Variants in FAT4 observed in about 807,000 individuals in gnomAD.
FAT4 encodes the protein protocadherin Fat 4.
Under a neutral mutation model 303.9 loss-of-function variants are expected in FAT4, and 84 were observed. The observed-to-expected ratio is 0.28, with a 90% CI of 0.23 to 0.33. The LOEUF is 0.33. FAT4 is among the 10% of genes least tolerant of loss of function. The probability of loss-of-function intolerance (pLI) is 1.00; values close to 1 mark genes in which losing one functional copy is unlikely to be tolerated. For missense variants in FAT4, 6,005 were observed against 6,146.8 expected, an observed-to-expected ratio of 0.98 and a Z score of 0.77; for synonymous variants, 2,307 against 2,298.8, an observed-to-expected ratio of 1.00 and a Z score of -0.10.
chr4:125,458,445 C>T (rs1023392446), intron 10 of FAT4, among the ~76,000 whole-genome samples: 2 of 151,472 alleles, frequency 1.3e-5, no homozygotes, highest in South Asian at 2.1e-4. Flanking sequence ...ATCATGTGAC[C>T]GGAAAACCAT....
intron 14 of FAT4, among the ~76,000 whole-genome samples, chr4:125,479,416 G>C (rs1285310845): frequency 6.6e-6 from 1 of 152,062 alleles, no homozygotes; most frequent in Admixed American, 6.6e-5. Flanking sequence ...AAAAATATGT[G>C]GTCCCTGGAT....
chr4:125,360,921 T>A (rs1282364156), intron 2 of FAT4, among the ~76,000 whole-genome samples: 3 of 129,556 alleles, frequency 2.3e-5, no homozygotes, highest in East Asian at 2.3e-4. Context: ...TTATTATTTA[T>A]TTTATTTATT....
At chr4:125,414,613 A>G (rs1033021003) in intron 5 of FAT4, among the ~76,000 whole-genome samples, 9 of 152,164 alleles carry the variant, frequency 5.9e-5, no homozygotes, top group Non-Finnish European at 1.5e-5. Flanking sequence ...TTAGTGTTGG[A>G]CCATCAGGAA....
Position 125,317,937 on chromosome 4 carries a change from A to G in FAT4, c.1526A>G (p.Asn509Ser), listed in dbSNP as rs972687212. The G allele has an allele frequency of 1.2e-6, 2 of 1,614,094 alleles. No individual in the cohort carries two copies. The highest frequency in any genetic ancestry group is 2.7e-5 in the African/African-American group (2 of 75,022). ...ATDGDSGLNA[N>S]LRYSIVSGNG... is the part of the protein sequence containing the mutation. ...GATGGCGACTCTGGTCTCAATGCTA[A>G]TCTGCGTTACAGCATTGTCTCTGGC... Residue 509 changes from asparagine (N) to serine (S), a missense_variant, in exon 2 of 18, where the codon AAT (asparagine) becomes AGT (serine). Transcript: ENST00000394329. This position sits in a 1 kb window ranked among gnomAD's most constrained non-coding sequence, Gnocchi z 7.0.
At chr4:125,446,268 T>A (rs1332097048) in intron 8 of FAT4, 25 bp from the exon 9 acceptor site, 4 of 1,599,520 alleles carry the variant, frequency 2.5e-6, no homozygotes, top group Admixed American at 3.4e-5. Context: ...ATATGACATA[T>A]CCCTATTTCT....
In FAT4 at chr4:125,317,189, C is replaced by G. The variant is rs369161191; in HGVS notation, c.778C>G (p.Pro260Ala). Reference protein sequence around the residue: ...FGSSHYQAGVPEDAVVGSSVL... With the variant: ...FGSSHYQAGVAEDAVVGSSVL... ...CAGTTCTCACTACCAGGCGGGGGTG[C>G]CTGAGGACGCGGTTGTGGGTTCCAG... Residue 260 changes from proline (P) to alanine (A), a missense_variant, in exon 2 of 18, where the codon CCT (proline) becomes GCT (alanine). Pro to Ala is a conservative substitution (Grantham distance 27, BLOSUM62 -1). Coordinates refer to ENST00000394329, the MANE Select transcript of FAT4 (RefSeq NM_001291303.3). The surrounding 1 kb of genome is among the most constrained non-coding windows in gnomAD (Gnocchi z 7.0). 3.1e-6 allele frequency: 5 copies of G among 1,595,520 alleles called. No individual in the cohort carries two copies. The South Asian group carries it at 4.5e-5, about 14-fold the overall frequency.
chr4:125,430,731 G>C (rs1238326024), intron 7 of FAT4, among the ~76,000 whole-genome samples: 1 of 151,982 alleles, frequency 6.6e-6, no homozygotes, highest in Non-Finnish European at 1.5e-5. Context: ...GGGAGAAAAG[G>C]GATACTCTGG....
chr4:125,342,405 A>C (rs1343376992), intron 2 of FAT4, among the ~76,000 whole-genome samples: 1 of 152,002 alleles, frequency 6.6e-6, no homozygotes, highest in Non-Finnish European at 1.5e-5. Context: ...TAAAATATGA[A>C]ATTGATACTG....
Position 125,490,999 on chromosome 4 carries a change from G to A in FAT4, c.14183G>A (p.Arg4728Lys), listed in dbSNP as rs72675395. 32,002 of 1,614,148 alleles carry A rather than the reference G, an allele frequency of 0.02. 393 individuals are homozygous for A. Among genetic ancestry groups the A allele is most frequent in the Middle Eastern group, 0.024 (146 of 6,062 alleles). ...GCAAGGGAATTGCATCTTCCTATAAGGGATGGTAATACTTTGGAAATGCAT... is the reference window on the plus strand; with the variant it reads ...GCAAGGGAATTGCATCTTCCTATAAAGGATGGTAATACTTTGGAAATGCAT... ...SPARELHLPI[R>K]DGNTLEMHGD... is the part of the protein sequence containing the mutation. The change falls in exon 18 of 18, where the codon AGG becomes AAG. Residue 4728 changes from arginine (R) to lysine (K), a missense_variant. Coordinates refer to ENST00000394329, the MANE Select transcript of FAT4 (RefSeq NM_001291303.3).
chr4:125,320,907 A>G lies in FAT4; in HGVS notation c.4496A>G (p.Asn1499Ser), dbSNP rs1241928722. The G allele has an allele frequency of 1.3e-5, 21 of 1,614,212 alleles. No individual in the cohort carries two copies. Among genetic ancestry groups the G allele is most frequent in the East Asian group, 2.2e-5 (1 of 44,882 alleles). ...CTCTTTGAGTTGACTGTAAAAGCCA[A>G]TGATCAAGCTGTGCCAATAGAAACT... Reference protein sequence around the residue: ...ANLFELTVKANDQAVPIETRR... With the variant: ...ANLFELTVKASDQAVPIETRR... The change falls in exon 2 of 18, where the codon AAT becomes AGT. Residue 1499 changes from asparagine (N) to serine (S), a missense_variant. By Grantham distance (46) the Asn-to-Ser change is conservative. Coordinates refer to ENST00000394329, the MANE Select transcript of FAT4 (RefSeq NM_001291303.3).
intron 2 of FAT4, among the ~76,000 whole-genome samples, chr4:125,360,898 A>AG (rs1222335483): frequency 3.5e-5 from 5 of 144,516 alleles, no homozygotes; most frequent in African/African-American, 5.0e-5. Flanking sequence ...TATTTATTAA[A>AG]TTTTTTATTT....
At chr4:125,324,793 A>G (rs1731089158) in intron 2 of FAT4, among the ~76,000 whole-genome samples, 2 of 152,146 alleles carry the variant, frequency 1.3e-5, no homozygotes, top group African/African-American at 4.8e-5. Context: ...TGTCTTGTCT[A>G]TTGATATTTA....
chr4:125,417,413 G>A (rs1735117331), intron 7 of FAT4, among the ~76,000 whole-genome samples: 1 of 152,132 alleles, frequency 6.6e-6, no homozygotes, highest in South Asian at 2.1e-4. Flanking sequence ...GTTCCAGGGA[G>A]CCAAACTATA....
At chr4:125,356,550 T>G (rs984203324) in intron 2 of FAT4, among the ~76,000 whole-genome samples, 14 of 24,428 alleles carry the variant, frequency 5.7e-4, no homozygotes, top group Admixed American at 2.5e-3. Flanking sequence ...TTGTTTTTTG[T>G]TTTTTTTTTT....
intron 7 of FAT4, among the ~76,000 whole-genome samples, chr4:125,418,384 G>C (rs1466109447): frequency 6.6e-6 from 1 of 152,048 alleles, no homozygotes; most frequent in Non-Finnish European, 1.5e-5. Context: ...ATGTGGGAGG[G>C]AGAAAACATT....
chr4:125,404,758 C>T (rs1734523278), intron 3 of FAT4, among the ~76,000 whole-genome samples: 1 of 152,052 alleles, frequency 6.6e-6, no homozygotes, highest in African/African-American at 2.4e-5. Flanking sequence ...GGAAAACCAC[C>T]ATTCTACTCC....
chr4:125,344,899 G>T (rs1191127180), intron 2 of FAT4, among the ~76,000 whole-genome samples: 1 of 151,980 alleles, frequency 6.6e-6, no homozygotes, highest in Non-Finnish European at 1.5e-5. Context: ...TTACAGTGGT[G>T]CCTGGCACAT....
In FAT4 at chr4:125,416,607, A is replaced by G; in HGVS notation, c.7003A>G (p.Thr2335Ala). The G allele has an allele frequency of 6.2e-7, 1 of 1,613,792 alleles. No homozygotes were observed. The change falls in exon 7 of 18, where the codon ACA becomes GCA. Residue 2335 changes from threonine (T) to alanine (A), a missense_variant. Transcript: ENST00000394329. ...AAAAGAGCGCTTTGTCTTAATGATT[A>G]CAGCTACAGATTCAGGTAAGTCCAT... is the stretch of plus-strand genomic sequence containing the variant. The part of the protein sequence containing the change: ...ETKERFVLMI[T>A]ATDSGSPALT...
intron 3 of FAT4, among the ~76,000 whole-genome samples, chr4:125,399,207 C>A (rs1734293849): frequency 6.6e-6 from 1 of 151,824 alleles, no homozygotes; most frequent in Non-Finnish European, 1.5e-5. Flanking sequence ...AGAGGTATCT[C>A]TATTTTATGC....
Sources: gnomAD v4.1 joint callset for allele counts (sites outside exome capture counted in the v4.1 genomes callset) on GRCh38, gnomAD v4.1.1 for gene constraint, Gnocchi (gnomAD v3.1) non-coding constraint, MANE v1.5 for transcripts, NCBI Gene and HGNC (gene_info 2026-07-23, HGNC 2026-07-21) for gene names.